The following TRPM3 variants were observed in gnomAD, a reference collection of about 807,000 sequenced individuals.
TRPM3 encodes the protein transient receptor potential cation channel subfamily M member 3.
Under a neutral mutation model 181.2 loss-of-function variants are expected in TRPM3, and 77 were observed. The observed-to-expected ratio is 0.42, with a 90% confidence interval of 0.35 to 0.51. The LOEUF is 0.51. TRPM3 is among the 20% of genes least tolerant of loss of function. TRPM3 has a pLI of 0.01. For synonymous variants in TRPM3, 745 were observed against 796.4 expected (o/e 0.94, Z 1.09); for missense variants, 1,759 against 2,196.7 (o/e 0.80, Z 3.98).
chr9:71,316,891 G>A lies in TRPM3; in HGVS notation c.183+129762C>T, dbSNP rs181269349. 1.1e-4 allele frequency among the ~76,000 whole-genome samples: 17 copies of A among 152,252 alleles called. No individual in the cohort carries two copies. In the East Asian group the frequency reaches 3.3e-3, roughly 29 times the overall value. ...AGAAAAAAAATCCTGTGGGCCACCT[G>A]CCTACCACTTTTCAGATGGATAATG... On this transcript the variant is annotated intron_variant, in intron 1 of 24. Coordinates refer to the TRPM3 transcript ENST00000357533.
At chr9:70,998,148 T>TATATAC (rs1375752665) in intron 1 of TRPM3, among the ~76,000 whole-genome samples, 6 of 77,932 alleles carry the variant, frequency 7.7e-5, no homozygotes, top group East Asian at 5.6e-4. Flanking sequence ...TATACACATA[T>TATATAC]ATATATACAT....
At chr9:70,787,763 C>CTTTTTTTTTTTTTTTTTTTGTTTTTTAT (rs2084049973) in intron 6 of TRPM3, among the ~76,000 whole-genome samples, 1 of 68,558 alleles carries the variant, frequency 1.5e-5, no homozygotes, top group South Asian at 8.4e-4. Flanking sequence ...TTTTTGGATT[C>CTTTTTTTTTTTTTTTTTTTGTTTTTTAT]TTTTTTTTTT....
At chr9:71,074,271 T>C (rs2063153724) in intron 1 of TRPM3, among the ~76,000 whole-genome samples, 1 of 152,220 alleles carries the variant, frequency 6.6e-6, no homozygotes, top group Admixed American at 6.5e-5. Flanking sequence ...TTTACCCTGA[T>C]AGGTATCTGA....
chr9:70,741,604 C>T (rs1056186092), intron 8 of TRPM3, among the ~76,000 whole-genome samples: 3 of 151,910 alleles, frequency 2.0e-5, no homozygotes, highest in Non-Finnish European at 4.4e-5. Flanking sequence ...ACAAAGAAAT[C>T]GTGGTATATG....
intron 1 of TRPM3, among the ~76,000 whole-genome samples, chr9:70,874,138 G>A (rs898723023): frequency 1.3e-5 from 2 of 151,868 alleles, no homozygotes; most frequent in African/African-American, 2.4e-5. Flanking sequence ...GTCATGCTGT[G>A]TAAATCATAC....
At chr9:71,039,962 T>C (rs2058644663) in intron 1 of TRPM3, among the ~76,000 whole-genome samples, 1 of 152,218 alleles carries the variant, frequency 6.6e-6, no homozygotes, top group Non-Finnish European at 1.5e-5. Context: ...AATTTCATTA[T>C]AAGGGAAATA....
intron 22 of TRPM3, among the ~76,000 whole-genome samples, chr9:70,567,663 G>T (rs192063650): frequency 6.8e-6 from 1 of 148,148 alleles, no homozygotes; most frequent in African/African-American, 2.7e-5. Flanking sequence ...ACCACAAGTC[G>T]TATAAAAATT....
At chr9:71,384,706 C>T (rs1286225539) in intron 1 of TRPM3, among the ~76,000 whole-genome samples, 1 of 152,230 alleles carries the variant, frequency 6.6e-6, no homozygotes, top group East Asian at 1.9e-4. Flanking sequence ...AAAAGCATAA[C>T]TCTTGTGCCT....
chr9:70,957,862 G>T (rs1351274256), intron 1 of TRPM3, among the ~76,000 whole-genome samples: 2 of 152,054 alleles, frequency 1.3e-5, no homozygotes, highest in Non-Finnish European at 2.9e-5. Flanking sequence ...ACAAGCTTTG[G>T]CCTTTGTAAA....
intron 1 of TRPM3, among the ~76,000 whole-genome samples, chr9:70,874,327 G>A (rs545167836): frequency 1.3e-5 from 2 of 151,736 alleles, no homozygotes; most frequent in Admixed American, 1.3e-4. Flanking sequence ...GAATGCTATG[G>A]CATATAGAAT....
chr9:70,895,321 T>C (rs895666063), intron 1 of TRPM3, among the ~76,000 whole-genome samples: 2 of 152,236 alleles, frequency 1.3e-5, no homozygotes, highest in Admixed American at 6.5e-5. Flanking sequence ...TAGGACCTCC[T>C]GGACCATTCT....
chr9:71,325,311 A>G (rs77341087), intron 1 of TRPM3, among the ~76,000 whole-genome samples: 1 of 152,210 alleles, frequency 6.6e-6, no homozygotes. Flanking sequence ...GGCCAATGTG[A>G]TGAGCAAGGA....
At chr9:71,089,178 T>A (rs2081563882) in intron 1 of TRPM3, among the ~76,000 whole-genome samples, 2 of 147,926 alleles carry the variant, frequency 1.4e-5, no homozygotes, top group African/African-American at 4.9e-5. Flanking sequence ...AATATATATT[T>A]TTATGATACG....
chr9:70,912,585 G>T (rs2096549217), intron 1 of TRPM3, among the ~76,000 whole-genome samples: 2 of 152,118 alleles, frequency 1.3e-5, no homozygotes, highest in South Asian at 4.1e-4. Flanking sequence ...AACATGTTTG[G>T]GTAGCTTATC....
intron 6 of TRPM3, among the ~76,000 whole-genome samples, chr9:70,794,467 A>G (rs1251239519): frequency 6.6e-6 from 1 of 151,988 alleles, no homozygotes; most frequent in Non-Finnish European, 1.5e-5. Context: ...CATGGACCCC[A>G]AGACTTGCTT....
At chr9:70,568,007 T>C (rs77022778) in intron 22 of TRPM3, among the ~76,000 whole-genome samples, 2,229 of 152,020 alleles carry the variant, frequency 0.015, 50 homozygotes, top group African/African-American at 0.049. Context: ...AAGAAAGCAA[T>C]TGGGGTCAAG....
intron 6 of TRPM3, among the ~76,000 whole-genome samples, chr9:70,810,277 C>A (rs2091750015): frequency 6.8e-6 from 1 of 147,162 alleles, no homozygotes; most frequent in African/African-American, 2.5e-5. Flanking sequence ...CTCTCCATCA[C>A]CCTGTCCTGT....
intron 1 of TRPM3, among the ~76,000 whole-genome samples, chr9:71,185,767 T>C (rs989419367): frequency 6.6e-6 from 1 of 152,082 alleles, no homozygotes; most frequent in African/African-American, 2.4e-5. Context: ...AGGCGTCTCA[T>C]CCTTGAGCTC....
chr9:70,761,547 A>C (rs773982585), intron 8 of TRPM3, 54 bp downstream of exon 8: 1 of 1,613,234 alleles, frequency 6.2e-7, no homozygotes, highest in African/African-American at 1.3e-5. Flanking sequence ...TGTGTGATTC[A>C]AGAAAATGAC....
Sources: gnomAD v4.1 joint callset for allele counts (sites outside exome capture counted in the v4.1 genomes callset) on GRCh38, gnomAD v4.1.1 for gene constraint, MANE v1.5 for transcripts, NCBI Gene and HGNC (gene_info 2026-07-23, HGNC 2026-07-21) for gene names.